TRIM24: variants seen among roughly 807,000 people sequenced by gnomAD.
The protein encoded by TRIM24 is transcription intermediary factor 1-alpha.
TRIM24 carries 29 observed loss-of-function variants against 123.9 expected under a neutral mutation model. The ratio of observed to expected loss-of-function variants is 0.23; its 90% CI spans 0.17 to 0.32. The LOEUF is 0.32. TRIM24 is among the 10% of genes least tolerant of loss of function. TRIM24 has a pLI of 1.00. For synonymous variants in TRIM24, 456 were observed against 461.1 expected (o/e 0.99, Z 0.14); for missense variants, 932 against 1,295.3 (o/e 0.72, Z 4.31).
At chr7:138,514,595 CCCT>C (rs1388968599) in intron 2 of TRIM24, 1 of 152,154 alleles carries the variant, frequency 6.6e-6, no homozygotes, top group East Asian at 1.9e-4. Context: ...ACTGGGTAAT[CCCT>C]CCTCATGCTT....
chr7:138,481,281 T>C (rs143488030), intron 1 of TRIM24, among the ~76,000 whole-genome samples: 415 of 152,180 alleles, frequency 2.7e-3, no homozygotes, highest in African/African-American at 9.0e-3. Context: ...AGACTTGATC[T>C]TGTTGTGTTG....
Position 138,515,784 on chromosome 7 carries a change from A to G in TRIM24, c.631+425A>G, listed in dbSNP as rs557702754. Among the ~76,000 whole-genome samples, 55 of 152,118 alleles carry G rather than the reference A, an allele frequency of 3.6e-4. 1 individual carries two copies. The Middle Eastern group carries it at 0.01, about 28-fold the overall frequency. ...AGAGAGGCTTTTTTATGTAATTATT[A>G]TTTCCAGTTTTATGTAATTATTATT... is the stretch of plus-strand genomic sequence containing the variant. On this transcript the variant is annotated intron_variant, in intron 3 of 18. Transcript: ENST00000343526.
intron 7 of TRIM24, 79 bp from the exon 8 acceptor site, chr7:138,550,984 A>G (rs1797198876): frequency 8.9e-7 from 1 of 1,120,224 alleles, no homozygotes; most frequent in Non-Finnish European, 1.3e-6. Context: ...TGTACATACC[A>G]GAGACTGTTT....
chr7:138,486,350 A>G (rs1795646692), intron 1 of TRIM24, among the ~76,000 whole-genome samples: 1 of 151,862 alleles, frequency 6.6e-6, no homozygotes, highest in Non-Finnish European at 1.5e-5. Context: ...ATTAGATCCC[A>G]TTTGTCTATT....
At chr7:138,484,329 G>GA (rs1795599518) in intron 1 of TRIM24, among the ~76,000 whole-genome samples, 1 of 151,548 alleles carries the variant, frequency 6.6e-6, no homozygotes, top group African/African-American at 2.4e-5. Context: ...GACTGGTCTG[G>GA]AACTCTTACC....
intron 1 of TRIM24, among the ~76,000 whole-genome samples, chr7:138,483,803 A>T (rs904481146): frequency 3.3e-5 from 5 of 152,214 alleles, no homozygotes; most frequent in Non-Finnish European, 5.9e-5. Flanking sequence ...TGGTTCCCAC[A>T]GGAGGATGAG....
chr7:138,577,728 TAAAC>T (rs974184725), intron 14 of TRIM24, 140 bp downstream of exon 14: 25 of 731,452 alleles, frequency 3.4e-5, no homozygotes, highest in African/African-American at 3.0e-4. Context: ...CTCAGTAAAT[TAAAC>T]AAAAAGACAA....
chr7:138,541,569 C>T (rs115966853), intron 7 of TRIM24, among the ~76,000 whole-genome samples: 89 of 152,204 alleles, frequency 5.8e-4, no homozygotes, highest in African/African-American at 1.9e-3. Context: ...ACAAAAGCAG[C>T]GTAGATTTAG....
At chr7:138,579,996 C>T (rs560965782) in intron 15 of TRIM24, among the ~76,000 whole-genome samples, 34 of 152,250 alleles carry the variant, frequency 2.2e-4, no homozygotes, top group Non-Finnish European at 3.2e-4. Flanking sequence ...GGAACAATGT[C>T]CCTATGCATA....
rs760451772 is a variant in TRIM24 at position 138,579,335 on chromosome 7, T to A, written c.2388T>A (p.Asn796Lys). Reference sequence around the variant, plus strand: ...ATCAACCTGGACTTCACCAGGACAATTCCTCAAATGGAAAGTCTGAATGGT... The same window carrying A: ...ATCAACCTGGACTTCACCAGGACAAATCCTCAAATGGAAAGTCTGAATGGT... ...TGDQPGLHQD[N>K]SSNGKSEWLD... The change falls in exon 15 of 19, where the codon AAT becomes AAA. Residue 796 changes from asparagine to lysine, a missense_variant. This residue lies in a region of TRIM24 where 527 missense variants were observed against 691.3 expected (regional missense o/e 0.76). Coordinates refer to ENST00000343526, the MANE Select transcript of TRIM24 (RefSeq NM_015905.3). The A allele has an allele frequency of 6.2e-7, 1 of 1,614,134 alleles. No homozygotes were observed. The highest frequency in any genetic ancestry group is 1.7e-5 in the Admixed American group (1 of 60,030).
chr7:138,497,393 C>CTT (rs869232002), intron 1 of TRIM24, among the ~76,000 whole-genome samples: 2,022 of 88,102 alleles, frequency 0.023, 54 homozygotes, highest in African/African-American at 0.049. Flanking sequence ...ATTACAATTT[C>CTT]TTTTTTTTTT....
chr7:138,529,823 T>A (rs1426007261), intron 6 of TRIM24, among the ~76,000 whole-genome samples: 2 of 152,300 alleles, frequency 1.3e-5, no homozygotes, highest in African/African-American at 4.8e-5. Flanking sequence ...TCAAATCATA[T>A]AAGGTTATAA....
At chr7:138,548,129 G>T (rs529048219) in intron 7 of TRIM24, among the ~76,000 whole-genome samples, 2 of 152,176 alleles carry the variant, frequency 1.3e-5, no homozygotes, top group Non-Finnish European at 2.9e-5. Context: ...GTTGCTTGAT[G>T]ACGGGGATGC....
intron 8 of TRIM24, among the ~76,000 whole-genome samples, chr7:138,551,822 A>G (rs1428681381): frequency 1.3e-5 from 2 of 152,282 alleles, no homozygotes; most frequent in Admixed American, 1.3e-4. Context: ...CTTTACAACT[A>G]TTCAATAGGA....
At chr7:138,555,030 A>C in intron 9 of TRIM24, 64 bp downstream of exon 9, 53 of 1,486,286 alleles carry the variant, frequency 3.6e-5, no homozygotes, top group Non-Finnish European at 4.3e-5. Flanking sequence ...TTAGCAGCTC[A>C]AAATAACAAA....
At chr7:138,461,434 T>C in intron 1 of TRIM24, 1 of 367,556 alleles carries the variant, frequency 2.7e-6, no homozygotes, top group South Asian at 2.1e-5. Context: ...TTATTTCTTA[T>C]CTTGCATGTT....
chr7:138,493,544 G>A (rs6467779), intron 1 of TRIM24, among the ~76,000 whole-genome samples: 71,393 of 151,942 alleles, frequency 0.47, 17,923 homozygotes, highest in African/African-American at 0.6. Context: ...TAAGATGTCT[G>A]GATTTTTTAA....
rs754720889 is a variant in TRIM24 at position 138,460,840 on chromosome 7, T to C, written c.292T>C (p.Ser98Pro). Residue 98 changes from serine (S) to proline (P), a missense_variant, in exon 1 of 19, where the codon TCG (serine) becomes CCG (proline). This residue lies in a region of TRIM24 where 164 missense variants were observed against 181.9 expected (regional missense o/e 0.90). Transcript: ENST00000343526. ...YLMLPAPMLGSAETPPPVPAP... is the reference protein window; with the variant it reads ...YLMLPAPMLGPAETPPPVPAP... ...CATGCTGCCCGCGCCCATGCTGGGC[T>C]CGGCCGAGACCCCGCCACCCGTCCC... 6.4e-7 allele frequency: 1 copy of C among 1,570,960 alleles called. No individual in the cohort carries two copies. The highest frequency in any genetic ancestry group is 2.5e-5 in the East Asian group (1 of 40,420).
chr7:138,542,340 ATTG>A (rs2116615224), intron 7 of TRIM24, among the ~76,000 whole-genome samples: 1 of 152,248 alleles, frequency 6.6e-6, no homozygotes, highest in African/African-American at 2.4e-5. Flanking sequence ...GGGTTATTAA[ATTG>A]TTGTGTCTGA....
Sources: allele counts gnomAD v4.1 joint callset (sites outside exome capture counted in the v4.1 genomes callset), GRCh38; gene constraint gnomAD v4.1.1; regional missense constraint gnomAD v4.1.1; transcripts MANE v1.5; gene names NCBI Gene and HGNC (gene_info 2026-07-23, HGNC 2026-07-21).